DYRK1A: variants seen among roughly 807,000 people sequenced by gnomAD.
The protein encoded by DYRK1A is dual specificity tyrosine-phosphorylation-regulated kinase 1A.
A neutral mutation model predicts 79.7 loss-of-function variants in DYRK1A; 9 were observed. The ratio of observed to expected loss-of-function variants is 0.11; its 90% CI spans 0.07 to 0.20. The LOEUF (loss-of-function observed/expected upper bound fraction) is 0.20. Ranked by LOEUF, DYRK1A falls within the 10% of genes least tolerant of loss-of-function variation. DYRK1A has a pLI of 1.00. For synonymous variants in DYRK1A, 349 were observed against 329.7 expected (o/e 1.06, Z -0.63); for missense variants, 622 against 956.0 (o/e 0.65, Z 4.61).
chr21:37,415,741 A>G (rs2050325905), intron 1 of DYRK1A, among the ~76,000 whole-genome samples: 2 of 152,246 alleles, frequency 1.3e-5, no homozygotes, highest in Middle Eastern at 3.4e-3. Flanking sequence ...TTCTGGGATT[A>G]CAGGCATGAG....
chr21:37,426,443 A>G (rs2050620679), intron 2 of DYRK1A, among the ~76,000 whole-genome samples: 1 of 152,212 alleles, frequency 6.6e-6, no homozygotes, highest in Non-Finnish European at 1.5e-5. Context: ...TTGTTTCAGA[A>G]TAATCCCAGA....
chr21:37,458,867 C>T (rs915661913), intron 2 of DYRK1A, among the ~76,000 whole-genome samples: 4 of 152,192 alleles, frequency 2.6e-5, no homozygotes, highest in African/African-American at 7.2e-5. Flanking sequence ...TTCCCCTGCT[C>T]TCCTTAACTA....
chr21:37,392,729 G>A (rs2049894491), intron 1 of DYRK1A, among the ~76,000 whole-genome samples: 1 of 152,168 alleles, frequency 6.6e-6, no homozygotes, highest in South Asian at 2.1e-4. Context: ...ATTCAGACTG[G>A]TCATAGTCTG....
intron 2 of DYRK1A, among the ~76,000 whole-genome samples, chr21:37,459,265 C>G (rs146491679): frequency 1.3e-5 from 2 of 152,300 alleles, no homozygotes; most frequent in Non-Finnish European, 2.9e-5. Context: ...ACTGTAGTGT[C>G]AGTTGGAATG....
At chr21:37,449,349 A>T (rs2051371499) in intron 2 of DYRK1A, among the ~76,000 whole-genome samples, 1 of 152,224 alleles carries the variant, frequency 6.6e-6, no homozygotes, top group East Asian at 1.9e-4. Context: ...GTACAATGGG[A>T]TAACAGCTCT....
At chr21:37,376,940 A>ACAC (rs2049554749) in intron 1 of DYRK1A, among the ~76,000 whole-genome samples, 1 of 152,182 alleles carries the variant, frequency 6.6e-6, no homozygotes, top group Admixed American at 6.5e-5. Context: ...ATATACACAC[A>ACAC]CAATTATATA....
intron 1 of DYRK1A, among the ~76,000 whole-genome samples, chr21:37,385,668 A>C (rs2049746090): frequency 6.6e-6 from 1 of 152,204 alleles, no homozygotes. Flanking sequence ...GGGAGCCTCC[A>C]TCAAAGTTCT....
At chr21:37,416,507 A>C (rs2050344850) in intron 1 of DYRK1A, among the ~76,000 whole-genome samples, 1 of 151,786 alleles carries the variant, frequency 6.6e-6, no homozygotes, top group Admixed American at 6.6e-5. Context: ...CAAAACTGTG[A>C]TACTTCTATT....
chr21:37,479,714 G>A (rs1196081799), intron 4 of DYRK1A, among the ~76,000 whole-genome samples: 1 of 135,622 alleles, frequency 7.4e-6, no homozygotes, highest in African/African-American at 2.7e-5. Context: ...CGCAACCTCC[G>A]CCTCCCAGGT....
chr21:37,487,108 G>A (rs1445557292), intron 6 of DYRK1A: 1 of 152,170 alleles, frequency 6.6e-6, no homozygotes, highest in Non-Finnish European at 1.5e-5. Context: ...AGAGATAATA[G>A]CCACTGCTTA....
intron 1 of DYRK1A, among the ~76,000 whole-genome samples, chr21:37,410,927 T>TA (rs575477538): frequency 3.0e-4 from 46 of 152,050 alleles, no homozygotes; most frequent in Non-Finnish European, 6.2e-4. Context: ...CGCCCACTTG[T>TA]AATCCCAGTT....
chr21:37,457,013 T>TTTACTTAC (rs149046084), intron 2 of DYRK1A, among the ~76,000 whole-genome samples: 3,939 of 141,156 alleles, frequency 0.028, 74 homozygotes, highest in Admixed American at 0.041. Flanking sequence ...AAAAAGAAAA[T>TTTACTTAC]TTACTTACTT....
At chr21:37,414,923 T>A (rs1045114397) in intron 1 of DYRK1A, among the ~76,000 whole-genome samples, 12 of 152,242 alleles carry the variant, frequency 7.9e-5, no homozygotes, top group African/African-American at 2.4e-4. Context: ...AGTGGTAGTT[T>A]ACATATTTTG....
chr21:37,398,432 T>A (rs189869732), intron 1 of DYRK1A, among the ~76,000 whole-genome samples: 8 of 152,006 alleles, frequency 5.3e-5, no homozygotes, highest in African/African-American at 1.9e-4. Flanking sequence ...CCCTGAAAGG[T>A]AAGTGCTATT....
In DYRK1A at chr21:37,514,417, CT is replaced by C. The variant is rs1354631301; in HGVS notation, c.*1887del. 2 of 152,530 alleles carry C rather than the reference CT, an allele frequency of 1.3e-5. No individual in the cohort carries two copies. The highest frequency in any genetic ancestry group is 4.8e-5 in the African/African-American group (2 of 41,426). The allele number at this position is 152,530 out of a possible 1,614,324, so 9.4% of individuals were successfully genotyped here. Reference sequence around the variant, plus strand: ...TTACCTGTCCAGGATCAAAAGAAGCCTAGAAAAGAAGCAGTAATCTACCTCT... The same window carrying C: ...TTACCTGTCCAGGATCAAAAGAAGCCAGAAAAGAAGCAGTAATCTACCTCT... On this transcript the variant is annotated 3_prime_UTR_variant, in exon 12 of 12. Transcript: ENST00000647188.
At chr21:37,482,719 C>T (rs2052695592) in intron 5 of DYRK1A, among the ~76,000 whole-genome samples, 1 of 152,112 alleles carries the variant, frequency 6.6e-6, no homozygotes, top group African/African-American at 2.4e-5. Context: ...CTATGGGAGA[C>T]TGGGGCTTAT....
intron 5 of DYRK1A, chr21:37,481,416 A>C (rs1308504019): frequency 6.6e-6 from 1 of 152,104 alleles, no homozygotes; most frequent in Non-Finnish European, 1.5e-5. Context: ...TTAGAGACAG[A>C]CTTGCACTCC....
chr21:37,417,764 A>G (rs1321179493), intron 1 of DYRK1A, among the ~76,000 whole-genome samples: 1 of 151,610 alleles, frequency 6.6e-6, no homozygotes, highest in Non-Finnish European at 1.5e-5. Flanking sequence ...AATGGTTTGT[A>G]AGTTTAACTT....
At chr21:37,444,724 G>A (rs781514382) in intron 2 of DYRK1A, among the ~76,000 whole-genome samples, 1 of 152,040 alleles carries the variant, frequency 6.6e-6, no homozygotes, top group Non-Finnish European at 1.5e-5. Flanking sequence ...GGTGGGTAGG[G>A]GATGATAAAT....
Sources: allele counts gnomAD v4.1 joint callset (sites outside exome capture counted in the v4.1 genomes callset), GRCh38; gene constraint gnomAD v4.1.1; transcripts MANE v1.5; gene names NCBI Gene and HGNC (gene_info 2026-07-23, HGNC 2026-07-21).